The following ZNF391 variants were observed in gnomAD, a reference collection of about 807,000 sequenced individuals.
ZNF391 encodes the protein zinc finger protein 391.
For missense variants in ZNF391, 375 were observed against 425.5 expected (o/e 0.88, Z 1.04); for synonymous variants, 126 against 142.1 (o/e 0.89, Z 0.80).
At chr6:27,385,228 G>GA (rs35004273), upstream of ZNF391, among the ~76,000 whole-genome samples, 106,765 of 151,510 alleles carry the variant, frequency 0.7, 37,881 homozygotes, top group Middle Eastern at 0.8. Flanking sequence ...AAAAAAGTCA[G>GA]AAAAAGTGGT....
Position 27,403,359 on chromosome 6 carries a change from C to T in ZNF391, c.*1912C>T, listed in dbSNP as rs995546587. On this transcript the variant is annotated 3_prime_UTR_variant, in exon 3 of 3. Coordinates refer to ENST00000244576, the MANE Select transcript of ZNF391 (RefSeq NM_001076781.3). ...GCACTTCTACATGTCCTACTTTCTT[C>T]GTTGTATTCCAGAAACCCTATCCAC... The T allele has an allele frequency of 6.6e-6, 1 of 152,100 alleles. No homozygotes were observed. Among genetic ancestry groups the T allele is most frequent in the Admixed American group, 6.6e-5 (1 of 15,258 alleles). The allele number at this position is 152,100 out of a possible 1,614,324, so 9.4% of individuals were successfully genotyped here.
At chr6:27,392,048 A>T (rs1438216905) in intron 1 of ZNF391, among the ~76,000 whole-genome samples, 1 of 152,208 alleles carries the variant, frequency 6.6e-6, no homozygotes, top group Non-Finnish European at 1.5e-5. Context: ...GCTTTGGACC[A>T]ATCAAGTCCA....
chr6:27,401,165 T>G lies in ZNF391; in HGVS notation c.795T>G (p.Thr265=). 1 of 1,614,232 alleles carries G rather than the reference T, an allele frequency of 6.2e-7. No homozygotes were observed. The highest frequency in any genetic ancestry group is 8.5e-7 in the Non-Finnish European group (1 of 1,180,026). Residue 265 remains threonine (T), a synonymous_variant, in exon 3 of 3, where the codon ACT becomes ACG. Coordinates refer to ENST00000244576, the MANE Select transcript of ZNF391 (RefSeq NM_001076781.3). ...GKAFSWISSL[T]EHQRTHTGEN... ...CTTTCAGTTGGATCTCATCGCTTAC[T>G]GAACATCAGAGAACACACACTGGGG...
At chr6:27,393,263 A>G (rs980960) in intron 1 of ZNF391, among the ~76,000 whole-genome samples, 109,117 of 151,792 alleles carry the variant, frequency 0.72, 39,397 homozygotes, top group Middle Eastern at 0.8. Context: ...GATCTTACAG[A>G]TTGATACCTC....
chr6:27,391,740 G>A (rs1444511438), intron 1 of ZNF391, among the ~76,000 whole-genome samples: 1 of 152,102 alleles, frequency 6.6e-6, no homozygotes. Context: ...AGGAACTTCC[G>A]TTCTTAGATG....
At chr6:27,393,708 G>C (rs1761764395) in intron 1 of ZNF391, among the ~76,000 whole-genome samples, 1 of 152,208 alleles carries the variant, frequency 6.6e-6, no homozygotes, top group Non-Finnish European at 1.5e-5. Flanking sequence ...ATTTCTTAGA[G>C]ACTGGTTAAA....
chr6:27,392,427 T>C (rs753281168), intron 1 of ZNF391, among the ~76,000 whole-genome samples: 1 of 152,176 alleles, frequency 6.6e-6, no homozygotes, highest in Non-Finnish European at 1.5e-5. Context: ...GGCTAATTTT[T>C]ATATTTGTAT....
Position 27,389,777 on chromosome 6 carries a change from G to A in ZNF391, c.-188+702G>A, listed in dbSNP as rs1004446462. Among the ~76,000 whole-genome samples the A allele has an allele frequency of 3.9e-5, 6 of 152,050 alleles. No homozygotes were observed. The East Asian group carries it at 7.7e-4, about 20-fold the overall frequency. On this transcript the variant is annotated intron_variant, in intron 1 of 2. Transcript: ENST00000244576. ...AGAGACCACGCCACTGCACTCCAGC[G>A]TAGGCAACAAGAGTGAAACTCCGCG... is the stretch of plus-strand genomic sequence containing the variant.
intron 1 of ZNF391, among the ~76,000 whole-genome samples, chr6:27,382,439 TCAAGAAAATA>T (rs1358698081): frequency 2.0e-5 from 3 of 151,840 alleles, no homozygotes; most frequent in South Asian, 2.1e-4. Context: ...TTTCCATATA[TCAAGAAAATA>T]CAAGAAAATA....
exon 1 of ZNF391, chr6:27,375,012 G>A (rs762710886): frequency 1.3e-5 from 2 of 152,354 alleles, no homozygotes; most frequent in Non-Finnish European, 2.9e-5. Flanking sequence ...AGGTATAAAA[G>A]AGAGCCTCCA....
Position 27,400,930 on chromosome 6 carries a change from A to G in ZNF391, c.560A>G (p.His187Arg), listed in dbSNP as rs1306802803. ...STHLSLHQRI[H>R]TGEKPYECSE... The stretch of plus-strand genomic sequence containing the variant: ...CATCTTAGTCTACATCAGAGAATCC[A>G]TACTGGAGAAAAACCATATGAATGT... The change falls in exon 3 of 3, where the codon CAT becomes CGT. Residue 187 changes from histidine (H) to arginine (R), a missense_variant. By Grantham distance (29) the His-to-Arg change is conservative. Coordinates refer to ENST00000244576, the MANE Select transcript of ZNF391 (RefSeq NM_001076781.3). 2 of 1,614,188 alleles carry G rather than the reference A, an allele frequency of 1.2e-6. No homozygotes were observed. Among genetic ancestry groups the G allele is most frequent in the South Asian group, 1.1e-5 (1 of 91,086 alleles).
chr6:27,402,302 T>C lies in ZNF391; in HGVS notation c.*855T>C, dbSNP rs1354469221. 2 of 152,138 alleles carry C rather than the reference T, an allele frequency of 1.3e-5. No homozygotes were observed. The highest frequency in any genetic ancestry group is 4.8e-5 in the African/African-American group (2 of 41,450). The allele number at this position is 152,138 out of a possible 1,614,324, so 9.4% of individuals were successfully genotyped here. A position where few individuals can be genotyped will look rare whatever the true frequency, so the allele number is the denominator to read the frequency against. ...ATTCTGTGGCTTTGACCCTCACCAA[T>C]CTTGGAAGATTGATCTCTCAAGGAC... On this transcript the variant is annotated 3_prime_UTR_variant, in exon 3 of 3. Transcript: ENST00000244576.
Position 27,400,328 on chromosome 6 carries a change from C to A in ZNF391, c.-43C>A. 1 of 1,489,226 alleles carries A rather than the reference C, an allele frequency of 6.7e-7. No individual in the cohort carries two copies. Among genetic ancestry groups the A allele is most frequent in the South Asian group, 1.3e-5 (1 of 76,634 alleles). 92.3% of individuals were successfully genotyped at this position (1,489,226 alleles called of 1,614,324 possible). On this transcript the variant is annotated 5_prime_UTR_variant, in exon 3 of 3. Transcript: ENST00000244576. ...TTGAGCTGAACCAAAGCATCAACAC[C>A]AATCAGACTGTTTCCGAAGAACTAG... is the stretch of plus-strand genomic sequence containing the variant.
chr6:27,398,596 C>G (rs776460017), intron 1 of ZNF391, among the ~76,000 whole-genome samples: 13 of 152,178 alleles, frequency 8.5e-5, no homozygotes, highest in Admixed American at 2.0e-4. Context: ...CAGTGGCTCA[C>G]GCCTGTAATC....
Position 27,400,420 on chromosome 6 carries a change from A to G in ZNF391, c.50A>G (p.Asp17Gly), listed in dbSNP as rs1581538066. Reference sequence around the variant, plus strand: ...GCTCAGGGTCCTACAAATGAAGAAGACTATAAAAACGAAGGCCAATTATCA... The same window carrying G: ...GCTCAGGGTCCTACAAATGAAGAAGGCTATAAAAACGAAGGCCAATTATCA... ...NTAQGPTNEE[D>G]YKNEGQLSRQ... Residue 17 changes from aspartate to glycine, a missense_variant, in exon 3 of 3, where the codon GAC becomes GGC. Coordinates refer to ENST00000244576, the MANE Select transcript of ZNF391 (RefSeq NM_001076781.3). 1 of 1,613,726 alleles carries G rather than the reference A, an allele frequency of 6.2e-7. No individual in the cohort carries two copies. Among genetic ancestry groups the G allele is most frequent in the East Asian group, 2.2e-5 (1 of 44,882 alleles).
intron 1 of ZNF391, among the ~76,000 whole-genome samples, chr6:27,380,495 A>C (rs1761481915): frequency 9.3e-6 from 1 of 107,168 alleles, no homozygotes; most frequent in Non-Finnish European, 2.1e-5. Context: ...GACAGTATGG[A>C]CCCAAAGAGT....
chr6:27,398,374 C>T (rs944712598), intron 1 of ZNF391, among the ~76,000 whole-genome samples: 17 of 152,166 alleles, frequency 1.1e-4, no homozygotes, highest in Non-Finnish European at 2.5e-4. Context: ...CCAGATCTTC[C>T]TATTTTCCTG....
At chr6:27,378,920 A>G (rs1414812304) in intron 1 of ZNF391, among the ~76,000 whole-genome samples, 1 of 124,686 alleles carries the variant, frequency 8.0e-6, no homozygotes, top group Non-Finnish European at 1.7e-5. Context: ...CAAGAGCACA[A>G]CTCTGTCTCT....
Position 27,395,197 on chromosome 6 carries a change from TTGAGTA to T in ZNF391, c.-187-4243_-187-4238del, listed in dbSNP as rs1419907719. On this transcript the variant is annotated intron_variant, in intron 1 of 2. Coordinates refer to ENST00000244576, the MANE Select transcript of ZNF391 (RefSeq NM_001076781.3). ...GGGGCCAGGAGCAGAATGATATGGTTTGAGTATATGTCCCCATCAAATCTCATGTTG... is the reference window on the plus strand; with the variant it reads ...GGGGCCAGGAGCAGAATGATATGGTTTATGTCCCCATCAAATCTCATGTTG... The T allele has an allele frequency of 1.3e-5, 2 of 152,130 alleles. 1 individual carries two copies. Among genetic ancestry groups the T allele is most frequent in the African/African-American group, 4.8e-5 (2 of 41,418 alleles). 9.4% of individuals were successfully genotyped at this position (152,130 alleles called of 1,614,324 possible).
Sources: gnomAD v4.1 joint callset for allele counts (sites outside exome capture counted in the v4.1 genomes callset) on GRCh38, gnomAD v4.1.1 for gene constraint, MANE v1.5 for transcripts, NCBI Gene and HGNC (gene_info 2026-07-23, HGNC 2026-07-21) for gene names.